RBFOX1: variants seen among roughly 807,000 people sequenced by gnomAD.
RBFOX1 encodes the protein RNA binding protein fox-1 homolog 1.
A neutral mutation model predicts 57.7 loss-of-function variants in RBFOX1; 8 were observed. That is an observed-to-expected ratio of 0.14 (90% CI 0.08 to 0.25). The LOEUF (loss-of-function observed/expected upper bound fraction) is 0.25, where lower values mean the gene tolerates loss of function less well. Among genes scored for constraint, RBFOX1 ranks in the 10% least tolerant of loss-of-function variants. The probability of loss-of-function intolerance (pLI) is 1.00; values close to 1 mark genes in which losing one functional copy is unlikely to be tolerated. For missense variants in RBFOX1, 611 were observed against 548.5 expected, an observed-to-expected ratio of 1.11 and a Z score of -1.14; for synonymous variants, 326 against 222.4, an observed-to-expected ratio of 1.47 and a Z score of -4.15.
chr16:7,398,389 G>A (rs1188503227), intron 4 of RBFOX1, among the ~76,000 whole-genome samples: 4 of 152,176 alleles, frequency 2.6e-5, no homozygotes, highest in African/African-American at 4.8e-5. Context: ...AGATGAGGCT[G>A]AAGATGTAAG....
chr16:7,085,528 C>T (rs985678981), intron 4 of RBFOX1, among the ~76,000 whole-genome samples: 2 of 152,060 alleles, frequency 1.3e-5, no homozygotes, highest in African/African-American at 4.8e-5. Context: ...CGGGTGCCTC[C>T]ACAGAGATAG....
chr16:7,498,781 T>C lies in RBFOX1; in HGVS notation c.28-19366T>C, dbSNP rs779332041. Among the ~76,000 whole-genome samples, 5 of 152,274 alleles carry C rather than the reference T, an allele frequency of 3.3e-5. 1 individual carries two copies. Among genetic ancestry groups the C allele is most frequent in the African/African-American group, 7.2e-5 (3 of 41,542 alleles). On this transcript the variant is annotated intron_variant, in intron 4 of 15. Coordinates refer to ENST00000550418, the MANE Select transcript of RBFOX1 (RefSeq NM_018723.4). Reference sequence around the variant, plus strand: ...GACAGCAAGGTGAAACTACAATGCTTAAGCTGATCTAGCAAGCTCTTAAAG... The same window carrying C: ...GACAGCAAGGTGAAACTACAATGCTCAAGCTGATCTAGCAAGCTCTTAAAG...
chr16:5,847,605 C>T (rs142134720), intron 3 of RBFOX1, among the ~76,000 whole-genome samples: 5 of 152,204 alleles, frequency 3.3e-5, no homozygotes, highest in Non-Finnish European at 5.9e-5. Context: ...AATTGAACAA[C>T]GTTTATTCCT....
intron 3 of RBFOX1, among the ~76,000 whole-genome samples, chr16:5,617,356 C>T (rs769332261): frequency 1.3e-5 from 2 of 152,182 alleles, no homozygotes; most frequent in East Asian, 1.9e-4. Flanking sequence ...GAGGTCTTCA[C>T]GAGTTTTCTG....
intron 4 of RBFOX1, among the ~76,000 whole-genome samples, chr16:5,897,016 C>CTTCTTTTTTTTTTTTT (rs2058182237): frequency 1.8e-5 from 1 of 56,460 alleles, no homozygotes; most frequent in African/African-American, 7.7e-5. Context: ...TATCCATCCG[C>CTTCTTTTTTTTTTTTT]TTTTTTTTTT....
intron 3 of RBFOX1, among the ~76,000 whole-genome samples, chr16:6,813,777 C>G (rs571574412): frequency 1.9e-4 from 29 of 152,180 alleles, no homozygotes; most frequent in Non-Finnish European, 3.4e-4. Context: ...GCAGCAGGCA[C>G]CTGCAGAGAT....
chr16:6,857,249 C>T (rs1211896644), intron 3 of RBFOX1, among the ~76,000 whole-genome samples: 3 of 152,134 alleles, frequency 2.0e-5, no homozygotes, highest in Admixed American at 1.3e-4. Context: ...ATTGATAACT[C>T]CCCAATCTCT....
At chr16:5,461,056 C>T (rs1439512447) in intron 1 of RBFOX1, among the ~76,000 whole-genome samples, 1 of 152,010 alleles carries the variant, frequency 6.6e-6, no homozygotes, top group Non-Finnish European at 1.5e-5. Flanking sequence ...GGTGGGGGTC[C>T]CGTCATTTCC....
chr16:6,986,317 G>A (rs1031706477), intron 3 of RBFOX1, among the ~76,000 whole-genome samples: 2 of 152,018 alleles, frequency 1.3e-5, no homozygotes, highest in Non-Finnish European at 2.9e-5. Flanking sequence ...TCTTGCCTCA[G>A]CCTCCCGAGT....
chr16:6,196,138 T>C (rs531925752), intron 1 of RBFOX1, among the ~76,000 whole-genome samples: 5 of 152,208 alleles, frequency 3.3e-5, no homozygotes, highest in Admixed American at 6.5e-5. Flanking sequence ...CAAATAGTTC[T>C]ACAAGTTAGG....
intron 3 of RBFOX1, among the ~76,000 whole-genome samples, chr16:6,915,100 T>C (rs991527036): frequency 1.1e-4 from 16 of 152,328 alleles, no homozygotes; most frequent in African/African-American, 3.8e-4. Context: ...CACTGAGAAC[T>C]GGCCTGCGGT....
At chr16:5,436,223 C>T (rs2067914128) in intron 1 of RBFOX1, among the ~76,000 whole-genome samples, 1 of 152,146 alleles carries the variant, frequency 6.6e-6, no homozygotes, top group Non-Finnish European at 1.5e-5. Flanking sequence ...AAAGGGGGCT[C>T]GTGACTCAGA....
At chr16:6,578,053 T>C (rs1019416908) in intron 2 of RBFOX1, among the ~76,000 whole-genome samples, 8 of 152,184 alleles carry the variant, frequency 5.3e-5, no homozygotes, top group Non-Finnish European at 4.4e-5. Flanking sequence ...AAAATTACTT[T>C]TCTGTGTTAC....
chr16:7,067,928 A>G (rs1177046608), intron 4 of RBFOX1, among the ~76,000 whole-genome samples: 1 of 146,894 alleles, frequency 6.8e-6, no homozygotes, highest in Non-Finnish European at 1.5e-5. Flanking sequence ...GCTGAGGGTC[A>G]TTCCTAGTGT....
chr16:5,284,058 T>A (rs185136357), intron 1 of RBFOX1, among the ~76,000 whole-genome samples: 1 of 152,296 alleles, frequency 6.6e-6, no homozygotes, highest in East Asian at 1.9e-4. Flanking sequence ...CTCATGATAG[T>A]GAATAAGTCT....
intron 1 of RBFOX1, among the ~76,000 whole-genome samples, chr16:6,149,791 G>A (rs1231459107): frequency 6.6e-6 from 1 of 152,186 alleles, no homozygotes; most frequent in Non-Finnish European, 1.5e-5. Context: ...GCAATGTTGG[G>A]AGGATAGAAC....
intron 3 of RBFOX1, among the ~76,000 whole-genome samples, chr16:5,663,043 T>G (rs7193410): frequency 1.3e-5 from 2 of 151,848 alleles, no homozygotes; most frequent in South Asian, 2.1e-4. Context: ...CTGGAGAAAT[T>G]TTTGATTGTC....
intron 14 of RBFOX1, among the ~76,000 whole-genome samples, chr16:7,708,588 A>C (rs1275255831): frequency 1.3e-5 from 2 of 152,226 alleles, no homozygotes; most frequent in Non-Finnish European, 2.9e-5. Context: ...GATGCTGGAC[A>C]CTAACTTCAG....
chr16:5,574,559 T>G (rs11076934), intron 2 of RBFOX1, among the ~76,000 whole-genome samples: 102 of 152,026 alleles, frequency 6.7e-4, no homozygotes, highest in Admixed American at 3.7e-3. Context: ...GGGATTACGG[T>G]GCCTGCCACC....
Sources: gnomAD v4.1 joint callset for allele counts (sites outside exome capture counted in the v4.1 genomes callset) on GRCh38, gnomAD v4.1.1 for gene constraint, MANE v1.5 for transcripts, NCBI Gene and HGNC (gene_info 2026-07-23, HGNC 2026-07-21) for gene names.